FHIT: variants seen among roughly 807,000 people sequenced by gnomAD.
The protein encoded by FHIT is bis(5'-adenosyl)-triphosphatase.
FHIT carries 19 observed loss-of-function variants against 17.9 expected under a neutral mutation model. That is an observed-to-expected ratio of 1.06 (90% CI 0.74 to 1.56). The LOEUF (loss-of-function observed/expected upper bound fraction) is 1.56. Ranked by LOEUF, FHIT falls within the 40% of genes most tolerant of loss-of-function variation. The pLI is 0.00. For missense variants in FHIT, 248 were observed against 189.2 expected, an observed-to-expected ratio of 1.31 and a Z score of -1.82; for synonymous variants, 81 against 69.7, an observed-to-expected ratio of 1.16 and a Z score of -0.81.
At chr3:60,586,999 A>G (rs990911957) in intron 4 of FHIT, among the ~76,000 whole-genome samples, 6 of 152,028 alleles carry the variant, frequency 3.9e-5, no homozygotes, top group Non-Finnish European at 7.4e-5. Context: ...CTAAAATAAA[A>G]ATTTTAAAAA....
At position 59,840,392 on chromosome 3, in the gene FHIT, T is replaced by TA. The variant is rs1403206333; in HGVS notation, c.348+81953_348+81954insT. On this transcript the variant is annotated intron_variant, in intron 8 of 9. Coordinates refer to ENST00000492590, the MANE Select transcript of FHIT (RefSeq NM_002012.4). ...CATCATGTCACCAGATTATCCCCCTTTAAAAAAAAAAAAAAAAGAAAGAAA... is the reference window on the plus strand; with the variant it reads ...CATCATGTCACCAGATTATCCCCCTTATAAAAAAAAAAAAAAAAGAAAGAAA... Among the ~76,000 whole-genome samples the TA allele has an allele frequency of 4.7e-3, 180 of 38,136 alleles. 1 individual carries two copies. Among genetic ancestry groups the TA allele is most frequent in the East Asian group, 0.031 (21 of 672 alleles). The allele number at this position is 38,136 out of a possible 152,430, so 25.0% of individuals were successfully genotyped here.
At chr3:59,815,866 T>A (rs1468855198) in intron 8 of FHIT, among the ~76,000 whole-genome samples, 1 of 152,056 alleles carries the variant, frequency 6.6e-6, no homozygotes, top group Admixed American at 6.6e-5. Flanking sequence ...AAATACTGCC[T>A]GTTCCCCAAT....
chr3:60,819,635 C>T (rs1345162906), intron 4 of FHIT, among the ~76,000 whole-genome samples: 1 of 152,134 alleles, frequency 6.6e-6, no homozygotes, highest in East Asian at 1.9e-4. Context: ...TTGAAAGCTT[C>T]TGTATACCAG....
intron 5 of FHIT, among the ~76,000 whole-genome samples, chr3:60,346,900 A>G (rs1397437336): frequency 6.6e-6 from 1 of 152,210 alleles, no homozygotes; most frequent in Non-Finnish European, 1.5e-5. Context: ...TTTAAAATAG[A>G]TTTTTAAAAT....
chr3:60,788,066 T>C (rs1429980172), intron 4 of FHIT, among the ~76,000 whole-genome samples: 1 of 152,232 alleles, frequency 6.6e-6, no homozygotes, highest in Non-Finnish European at 1.5e-5. Context: ...GAATTAGCTA[T>C]ATGTTAAATA....
intron 3 of FHIT, among the ~76,000 whole-genome samples, chr3:60,965,343 TC>T (rs1249854059): frequency 2.0e-5 from 3 of 152,190 alleles, no homozygotes; most frequent in Non-Finnish European, 4.4e-5. Flanking sequence ...TAATCTTTTT[TC>T]AAGGTTTTTA....
At chr3:60,032,944 G>C (rs915722428) in intron 5 of FHIT, among the ~76,000 whole-genome samples, 2 of 151,998 alleles carry the variant, frequency 1.3e-5, no homozygotes, top group Admixed American at 6.6e-5. Context: ...ACAAGATAGA[G>C]AAACAAGTTA....
intron 8 of FHIT, among the ~76,000 whole-genome samples, chr3:59,798,881 T>C (rs1214843384): frequency 1.3e-5 from 2 of 152,226 alleles, no homozygotes; most frequent in South Asian, 2.1e-4. Flanking sequence ...GTAAGGGCTA[T>C]TCTTCAGAGG....
At chr3:60,747,793 C>T (rs570668332) in intron 4 of FHIT, among the ~76,000 whole-genome samples, 3 of 152,180 alleles carry the variant, frequency 2.0e-5, no homozygotes, top group African/African-American at 7.2e-5. Flanking sequence ...AAATGTGGAA[C>T]CCAAGGTTCA....
intron 5 of FHIT, among the ~76,000 whole-genome samples, chr3:60,374,193 C>A (rs534407804): frequency 6.6e-6 from 1 of 152,088 alleles, no homozygotes; most frequent in East Asian, 1.9e-4. Flanking sequence ...TTTTAGGAAC[C>A]TAACTAAAGG....
chr3:60,058,073 G>T (rs1702151585), intron 5 of FHIT, among the ~76,000 whole-genome samples: 1 of 151,780 alleles, frequency 6.6e-6, no homozygotes, highest in Non-Finnish European at 1.5e-5. Flanking sequence ...AGGGGCTGGG[G>T]GAGGGAGAAA....
intron 3 of FHIT, among the ~76,000 whole-genome samples, chr3:61,021,165 T>C (rs990809633): frequency 5.9e-5 from 9 of 152,158 alleles, no homozygotes; most frequent in African/African-American, 2.2e-4. Flanking sequence ...AACTCAGCTC[T>C]GGACCAAGCA....
At chr3:60,216,472 C>T (rs1310966650) in intron 5 of FHIT, among the ~76,000 whole-genome samples, 2 of 152,110 alleles carry the variant, frequency 1.3e-5, no homozygotes, top group East Asian at 1.9e-4. Flanking sequence ...AGGTCATGTT[C>T]TATTTCTTCA....
chr3:60,191,153 C>G (rs886880795), intron 5 of FHIT, among the ~76,000 whole-genome samples: 1 of 151,948 alleles, frequency 6.6e-6, no homozygotes, highest in African/African-American at 2.4e-5. Flanking sequence ...AAAGAGTCAG[C>G]CAGCAATGAT....
chr3:60,830,402 C>T (rs1321142864), intron 3 of FHIT, among the ~76,000 whole-genome samples: 1 of 152,160 alleles, frequency 6.6e-6, no homozygotes, highest in Admixed American at 6.5e-5. Context: ...ACAGAAGCAC[C>T]ACATAAACCA....
In FHIT at chr3:61,094,503, T is replaced by C. The variant is rs146120886; in HGVS notation, c.-163-52404A>G. Among the ~76,000 whole-genome samples, 101 of 152,288 alleles carry C rather than the reference T, an allele frequency of 6.6e-4. No homozygotes were observed. In the East Asian group the frequency reaches 0.018, roughly 27 times the overall value. On this transcript the variant is annotated intron_variant, in intron 2 of 9. Transcript: ENST00000492590. ...CAACACATAGTATAGAAGTCCCTGG[T>C]TATCCGCAGGACAGATGCTTCAAGA...
chr3:60,569,755 A>ATATATATATATATATTTT lies in FHIT; in HGVS notation c.-17-32777_-17-32776insAAAATATATATATATATA. Reference sequence around the variant, plus strand: ...TATATATATATATATATATATATATATTTTTTTTTTTTTTAGACAGAGTTT... The same window carrying ATATATATATATATATTTT: ...TATATATATATATATATATATATATATATATATATATATATTTTTTTTTTTTTTTTTTAGACAGAGTTT... On this transcript the variant is annotated intron_variant, in intron 4 of 9. Transcript: ENST00000492590. Among the ~76,000 whole-genome samples, 107 of 77,328 alleles carry ATATATATATATATATTTT rather than the reference A, an allele frequency of 1.4e-3. 1 individual carries two copies. Among genetic ancestry groups the ATATATATATATATATTTT allele is most frequent in the African/African-American group, 4.2e-3 (87 of 20,660 alleles). The allele number at this position is 77,328 out of a possible 152,430, so 50.7% of individuals were successfully genotyped here. A position where few individuals can be genotyped will look rare whatever the true frequency, so the allele number is the denominator to read the frequency against.
intron 2 of FHIT, among the ~76,000 whole-genome samples, chr3:61,195,851 A>T (rs1028796250): frequency 6.6e-6 from 1 of 152,214 alleles, no homozygotes; most frequent in Non-Finnish European, 1.5e-5. Flanking sequence ...TGAAATTGAC[A>T]TGCTATTACT....
chr3:61,114,330 T>C (rs1367208675), intron 2 of FHIT, among the ~76,000 whole-genome samples: 2 of 152,138 alleles, frequency 1.3e-5, no homozygotes, highest in Admixed American at 6.6e-5. Context: ...GTCTAGCATA[T>C]AAAAAAGATG....
Sources: allele counts gnomAD v4.1 joint callset (sites outside exome capture counted in the v4.1 genomes callset), GRCh38; gene constraint gnomAD v4.1.1; transcripts MANE v1.5; gene names NCBI Gene and HGNC (gene_info 2026-07-23, HGNC 2026-07-21).